EXOC5: variants seen among roughly 807,000 people sequenced by gnomAD.
EXOC5 encodes the protein exocyst complex component 5.
A neutral mutation model predicts 90.8 loss-of-function variants in EXOC5; 17 were observed. The ratio of observed to expected loss-of-function variants is 0.19; its 90% CI spans 0.13 to 0.28. EXOC5 has a LOEUF of 0.28. Among genes scored for constraint, EXOC5 ranks in the 10% least tolerant of loss-of-function variants. The probability of loss-of-function intolerance (pLI) is 1.00; values close to 1 mark genes in which losing one functional copy is unlikely to be tolerated. For synonymous variants in EXOC5, 260 were observed against 270.0 expected, an observed-to-expected ratio of 0.96 and a Z score of 0.36; for missense variants, 569 against 830.6, an observed-to-expected ratio of 0.69 and a Z score of 3.87.
chr14:57,250,598 T>C (rs1214520680), intron 1 of EXOC5, among the ~76,000 whole-genome samples: 2 of 152,166 alleles, frequency 1.3e-5, no homozygotes, highest in Non-Finnish European at 2.9e-5. Flanking sequence ...ACATGGGGGC[T>C]GGGTAATAGA....
At chr14:57,248,948 G>A (rs915526771) in intron 1 of EXOC5, among the ~76,000 whole-genome samples, 8 of 151,980 alleles carry the variant, frequency 5.3e-5, no homozygotes, top group Admixed American at 2.0e-4. Flanking sequence ...GATTTTTAAC[G>A]TCATCTAAAA....
intron 3 of EXOC5, 91 bp from the exon 4 acceptor site, chr14:57,244,450 CAGA>C: frequency 1.1e-6 from 1 of 914,644 alleles, no homozygotes; most frequent in Non-Finnish European, 1.7e-6. Context: ...CTAAAGATAA[CAGA>C]AGTTATATAC....
rs1201191453 is a variant in EXOC5, at chr14:57,244,197, A to G, written c.433T>C (p.Leu145=). 1.2e-6 allele frequency: 2 copies of G among 1,613,620 alleles called. No individual in the cohort carries two copies. The highest frequency in any genetic ancestry group is 1.7e-6 in the Non-Finnish European group (2 of 1,179,706). Residue 145 remains leucine, a synonymous_variant, in exon 4 of 18, where the codon TTG becomes CTG. Transcript: ENST00000621441. ...KYFNEFLDGE[L]KSDVFTNSEK... ...GAATTTGTAAAAACATCAGATTTCA[A>G]TTCTCCATCTAGAAACTCATTAAAG... is the stretch of plus-strand genomic sequence containing the variant.
chr14:57,208,528 T>C lies in EXOC5; in HGVS notation c.*81A>G. 2 of 1,020,816 alleles carry C rather than the reference T, an allele frequency of 2.0e-6. No homozygotes were observed. Among genetic ancestry groups the C allele is most frequent in the South Asian group, 3.5e-5 (2 of 57,898 alleles). 63.2% of individuals were successfully genotyped at this position (1,020,816 alleles called of 1,614,324 possible). On this transcript the variant is annotated 3_prime_UTR_variant, in exon 18 of 18. Transcript: ENST00000621441. Reference sequence around the variant, plus strand: ...CTGTGTCATAAGGTATCTCCTGTGCTTTCTATCAACCGAGGGCTGCTGAAG... The same window carrying C: ...CTGTGTCATAAGGTATCTCCTGTGCCTTCTATCAACCGAGGGCTGCTGAAG...
chr14:57,210,214 G>T (rs1401699988), intron 15 of EXOC5, among the ~76,000 whole-genome samples, 153 bp from the exon 16 acceptor site: 2 of 152,074 alleles, frequency 1.3e-5, no homozygotes, highest in Non-Finnish European at 2.9e-5. Context: ...ATTAGAAAAA[G>T]TCAGCTCTAG....
intron 1 of EXOC5, among the ~76,000 whole-genome samples, chr14:57,254,135 G>A (rs1364554933): frequency 6.6e-6 from 1 of 152,086 alleles, no homozygotes; most frequent in East Asian, 1.9e-4. Context: ...ATAAGCACAT[G>A]AAAAGATGCC....
intron 6 of EXOC5, 32 bp downstream of exon 6, chr14:57,237,306 T>TA (rs774658354): frequency 7.8e-5 from 92 of 1,186,810 alleles, no homozygotes; most frequent in African/African-American, 1.4e-4. Flanking sequence ...TTTTACTTAT[T>TA]AAAAAAAAGG....
intron 17 of EXOC5, among the ~76,000 whole-genome samples, chr14:57,209,345 A>G (rs572605953): frequency 2.0e-5 from 3 of 152,172 alleles, no homozygotes; most frequent in Admixed American, 6.6e-5. Flanking sequence ...GGGCAACATC[A>G]TGAAACTCTT....
chr14:57,250,418 A>G (rs1324188902), intron 1 of EXOC5, among the ~76,000 whole-genome samples: 2 of 152,222 alleles, frequency 1.3e-5, no homozygotes, highest in Admixed American at 1.3e-4. Flanking sequence ...ATGCCTATAC[A>G]CAATAATAAT....
chr14:57,247,358 GTT>G (rs1438893645), intron 2 of EXOC5, among the ~76,000 whole-genome samples: 9 of 151,992 alleles, frequency 5.9e-5, no homozygotes, highest in African/African-American at 2.2e-4. Flanking sequence ...ATCATTTCTA[GTT>G]TATGACTCAT....
At chr14:57,212,236 T>C (rs1054816410) in intron 15 of EXOC5, among the ~76,000 whole-genome samples, 3 of 152,212 alleles carry the variant, frequency 2.0e-5, no homozygotes, top group South Asian at 2.1e-4. Flanking sequence ...TAAAGTCACA[T>C]TGGGAAAGAG....
At chr14:57,229,269 T>C (rs1179464406) in intron 12 of EXOC5, among the ~76,000 whole-genome samples, 1 of 152,188 alleles carries the variant, frequency 6.6e-6, no homozygotes, top group African/African-American at 2.4e-5. Context: ...TTACAAAAAA[T>C]AGTTGTTCCT....
intron 4 of EXOC5, among the ~76,000 whole-genome samples, chr14:57,242,369 T>C (rs1158314898): frequency 2.6e-5 from 4 of 151,482 alleles, no homozygotes; most frequent in African/African-American, 9.7e-5. Flanking sequence ...CTCAGCCTCC[T>C]GAGTGCTAGG....
At chr14:57,259,107 CACTTT>C (rs919216567) in intron 1 of EXOC5, among the ~76,000 whole-genome samples, 2 of 151,710 alleles carry the variant, frequency 1.3e-5, no homozygotes, top group African/African-American at 4.8e-5. Flanking sequence ...AATTCACACA[CACTTT>C]TCTTTTTTTT....
chr14:57,246,958 T>C, intron 2 of EXOC5, 100 bp from the exon 3 acceptor site: 1 of 659,408 alleles, frequency 1.5e-6, no homozygotes, highest in South Asian at 2.3e-5. Flanking sequence ...GAAGAGTTCC[T>C]TGAGCTTGAA....
At chr14:57,240,535 G>A (rs1482644754) in intron 4 of EXOC5, among the ~76,000 whole-genome samples, 1 of 151,968 alleles carries the variant, frequency 6.6e-6, no homozygotes, top group Non-Finnish European at 1.5e-5. Context: ...GCCCACCTCG[G>A]CCTCCCAAAG....
At chr14:57,222,623 A>T (rs1003415313) in intron 12 of EXOC5, among the ~76,000 whole-genome samples, 2 of 151,866 alleles carry the variant, frequency 1.3e-5, no homozygotes, top group Non-Finnish European at 2.9e-5. Context: ...CTCCTGACTT[A>T]GAGTAATGTT....
At position 57,203,729 on chromosome 14, in the gene EXOC5, A is replaced by C. The variant is rs1882565097; in HGVS notation, c.*4880T>G. On this transcript the variant is annotated 3_prime_UTR_variant, in exon 18 of 18. Transcript: ENST00000621441. ...CTTAATTCCAGTTTCAGACTTTTAA[A>C]TTAAAAGTGGCTCAGTTGGATACTG... is the stretch of plus-strand genomic sequence containing the variant. The C allele has an allele frequency of 6.6e-6, 1 of 152,596 alleles. No homozygotes were observed. Among genetic ancestry groups the C allele is most frequent in the Non-Finnish European group, 1.5e-5 (1 of 68,024 alleles). 9.5% of individuals were successfully genotyped at this position (152,596 alleles called of 1,614,324 possible).
rs192429358 is a variant in EXOC5 at position 57,240,796 on chromosome 14, A to G, written c.466-1137T>C. On this transcript the variant is annotated intron_variant, in intron 4 of 17. Coordinates refer to ENST00000621441, the MANE Select transcript of EXOC5 (RefSeq NM_006544.4). ...GATTCATTTTCTTTTACATTTGAAAAAACAGTGAGACTCATAAATACGAAG... is the reference window on the plus strand; with the variant it reads ...GATTCATTTTCTTTTACATTTGAAAGAACAGTGAGACTCATAAATACGAAG... 2.6e-3 allele frequency among the ~76,000 whole-genome samples: 399 copies of G among 152,322 alleles called. 2 individuals carry two copies. Among genetic ancestry groups the G allele is most frequent in the African/African-American group, 9.1e-3 (378 of 41,580 alleles).
Sources: gnomAD v4.1 joint callset for allele counts (sites outside exome capture counted in the v4.1 genomes callset) on GRCh38, gnomAD v4.1.1 for gene constraint, MANE v1.5 for transcripts, NCBI Gene and HGNC (gene_info 2026-07-23, HGNC 2026-07-21) for gene names.